Variants in DENND5B observed in about 807,000 individuals in gnomAD.
DENND5B encodes the protein DENN domain containing 5B.
DENND5B carries 34 observed loss-of-function variants against 140.6 expected under a neutral mutation model. The observed-to-expected ratio is 0.24, with a 90% CI of 0.18 to 0.32. The LOEUF is 0.32. Among genes scored for constraint, DENND5B ranks in the 10% least tolerant of loss-of-function variants. DENND5B has a pLI of 1.00. For missense variants in DENND5B, 1,142 were observed against 1,560.2 expected (o/e 0.73, Z 4.52); for synonymous variants, 551 against 562.1 (o/e 0.98, Z 0.28).
At chr12:31,451,900 C>G (rs1249163106) in intron 5 of DENND5B, 40 bp downstream of exon 5, 13 of 1,599,498 alleles carry the variant, frequency 8.1e-6, no homozygotes, top group Non-Finnish European at 1.1e-5. Context: ...AATAATAAAG[C>G]CACTAATAAC....
At chr12:31,552,358 T>C (rs551840365) in intron 1 of DENND5B, among the ~76,000 whole-genome samples, 1 of 152,306 alleles carries the variant, frequency 6.6e-6, no homozygotes, top group South Asian at 2.1e-4. Flanking sequence ...TTATGTTGGA[T>C]TACATTTATT....
At chr12:31,524,041 C>CT (rs148193944) in intron 1 of DENND5B, among the ~76,000 whole-genome samples, 7,500 of 121,470 alleles carry the variant, frequency 0.062, 711 homozygotes, top group African/African-American at 0.2. Flanking sequence ...CTACTGAGCC[C>CT]TTTTTTTTTT....
chr12:31,387,720 T>G lies in DENND5B; in HGVS notation c.3708A>C (p.Glu1236Asp), dbSNP rs760100573. Residue 1236 changes from glutamate (E) to aspartate (D), a missense_variant, in exon 21 of 21, where the codon GAA becomes GAC. By Grantham distance (45) the Glu-to-Asp change is conservative (BLOSUM62 2). Around this residue, in one of 5 missense-constraint regions of DENND5B, gnomAD observed 125 missense variants for 179.0 expected, o/e 0.70. Coordinates refer to ENST00000389082, the MANE Select transcript of DENND5B (RefSeq NM_144973.4). ...AECPAITRMYEESALLRDRMT... is the reference protein window; with the variant it reads ...AECPAITRMYDESALLRDRMT... ...TGCGGTCTCGCAGGAGAGCGCTCTC[T>G]TCATACATTCGAGTGATGGCAGGAC... The G allele has an allele frequency of 3.1e-6, 5 of 1,613,928 alleles. No homozygotes were observed. The South Asian group carries it at 5.5e-5, about 18-fold the overall frequency.
chr12:31,524,223 CTATT>C (rs1948006224), intron 1 of DENND5B, among the ~76,000 whole-genome samples: 1 of 152,084 alleles, frequency 6.6e-6, no homozygotes, highest in African/African-American at 2.4e-5. Context: ...TCTAAGAGGT[CTATT>C]TCTCTCCTTT....
chr12:31,574,360 C>G (rs1374798199), intron 1 of DENND5B, among the ~76,000 whole-genome samples: 1 of 150,774 alleles, frequency 6.6e-6, no homozygotes, highest in East Asian at 2.0e-4. Context: ...GAGGCCAAGG[C>G]GGGTGGAGCT....
chr12:31,514,298 G>A (rs988874104), intron 1 of DENND5B, among the ~76,000 whole-genome samples: 3 of 152,172 alleles, frequency 2.0e-5, no homozygotes, highest in Non-Finnish European at 4.4e-5. Flanking sequence ...ATGCTACCTA[G>A]TTTTATATAA....
intron 1 of DENND5B, among the ~76,000 whole-genome samples, chr12:31,577,513 T>A (rs942753751): frequency 5.3e-5 from 8 of 151,208 alleles, no homozygotes; most frequent in Non-Finnish European, 8.9e-5. Flanking sequence ...GATCGAGACC[T>A]TCCTGGCTAA....
chr12:31,493,246 A>C (rs1015219841), intron 2 of DENND5B, among the ~76,000 whole-genome samples: 3 of 152,252 alleles, frequency 2.0e-5, no homozygotes, highest in East Asian at 1.9e-4. Flanking sequence ...CAAATTACTT[A>C]ACCTTTGAAA....
intron 17 of DENND5B, among the ~76,000 whole-genome samples, chr12:31,394,780 A>G (rs947305643): frequency 9.0e-4 from 136 of 151,906 alleles, no homozygotes; most frequent in African/African-American, 3.3e-3. Flanking sequence ...TGCCCGGCTA[A>G]TTTTTTGTAT....
At chr12:31,414,142 T>C (rs1389984970) in intron 12 of DENND5B, among the ~76,000 whole-genome samples, 1 of 152,206 alleles carries the variant, frequency 6.6e-6, no homozygotes, top group African/African-American at 2.4e-5. Flanking sequence ...TTGCCCAGGC[T>C]GGTCTCAATC....
chr12:31,527,351 A>C (rs1948120102), intron 1 of DENND5B, among the ~76,000 whole-genome samples: 1 of 152,206 alleles, frequency 6.6e-6, no homozygotes, highest in Admixed American at 6.5e-5. Context: ...GCAAGACAAA[A>C]GCAATATAAT....
At chr12:31,560,743 G>A (rs1341076489) in intron 1 of DENND5B, among the ~76,000 whole-genome samples, 5 of 151,998 alleles carry the variant, frequency 3.3e-5, no homozygotes, top group Non-Finnish European at 5.9e-5. Flanking sequence ...CATTCCTCTT[G>A]TTCACTCCTC....
At chr12:31,510,101 A>T (rs1031631196) in intron 1 of DENND5B, among the ~76,000 whole-genome samples, 1 of 152,164 alleles carries the variant, frequency 6.6e-6, no homozygotes, top group Non-Finnish European at 1.5e-5. Flanking sequence ...TGTCTGAAAC[A>T]ACTTTTCCCC....
At chr12:31,482,100 G>T (rs1946093300) in intron 2 of DENND5B, among the ~76,000 whole-genome samples, 1 of 152,176 alleles carries the variant, frequency 6.6e-6, no homozygotes. Context: ...AGGCGGGTGG[G>T]TGTCCAAACT....
At chr12:31,450,675 T>A (rs1379178737) in intron 5 of DENND5B, among the ~76,000 whole-genome samples, 1 of 152,072 alleles carries the variant, frequency 6.6e-6, no homozygotes, top group East Asian at 1.9e-4. Flanking sequence ...TTTACGAAAA[T>A]TTTTCATTAT....
At chr12:31,526,668 A>C (rs566426330) in intron 1 of DENND5B, among the ~76,000 whole-genome samples, 35 of 152,366 alleles carry the variant, frequency 2.3e-4, no homozygotes, top group South Asian at 4.1e-4. Context: ...GTGGAACAGA[A>C]AAAGGGTATT....
intron 1 of DENND5B, among the ~76,000 whole-genome samples, chr12:31,523,471 G>A (rs1043976153): frequency 6.6e-6 from 1 of 152,128 alleles, no homozygotes; most frequent in African/African-American, 2.4e-5. Context: ...GAATGCAGTG[G>A]CCTAAGTGTA....
chr12:31,451,651 G>A, intron 5 of DENND5B: 1 of 348,654 alleles, frequency 2.9e-6, no homozygotes, highest in Admixed American at 4.7e-5. Context: ...GCATCTTTAA[G>A]GTAAAGAAAA....
intron 7 of DENND5B, among the ~76,000 whole-genome samples, chr12:31,437,414 G>A (rs112913450): frequency 0.11 from 16,965 of 152,104 alleles, 1,130 homozygotes; most frequent in East Asian, 0.25. Flanking sequence ...GATTACAGGC[G>A]TGAACCACCA....
Sources: allele counts gnomAD v4.1 joint callset (sites outside exome capture counted in the v4.1 genomes callset), GRCh38; gene constraint gnomAD v4.1.1; regional missense constraint gnomAD v4.1.1; transcripts MANE v1.5; gene names NCBI Gene and HGNC (gene_info 2026-07-23, HGNC 2026-07-21).